CRISPLD2: variants seen among roughly 807,000 people sequenced by gnomAD.
CRISPLD2 encodes cysteine-rich secretory protein LCCL domain-containing 2.
CRISPLD2 carries 47 observed loss-of-function variants against 71.1 expected under a neutral mutation model. That is an observed-to-expected ratio of 0.66 (90% CI 0.52 to 0.84). The LOEUF (loss-of-function observed/expected upper bound fraction) is 0.84, where lower values mean the gene tolerates loss of function less well. Ranked by LOEUF, CRISPLD2 falls within the 40% of genes least tolerant of loss-of-function variation. The probability of loss-of-function intolerance (pLI) is 0.00; values close to 1 mark genes in which losing one functional copy is unlikely to be tolerated. For missense variants in CRISPLD2, 830 were observed against 651.1 expected, an observed-to-expected ratio of 1.27 and a Z score of -2.99; for synonymous variants, 317 against 250.1, an observed-to-expected ratio of 1.27 and a Z score of -2.52.
chr16:84,854,591 G>A (rs1030509575), intron 5 of CRISPLD2, 138 bp from the exon 6 acceptor site: 71 of 675,294 alleles, frequency 1.1e-4, no homozygotes, highest in African/African-American at 1.8e-4. Flanking sequence ...CATCTTTCCC[G>A]CTTCCCACAG....
In CRISPLD2 at chr16:84,898,115, A is replaced by G. The variant is rs115986720; in HGVS notation, c.1440-8473A>G. 7.0e-3 allele frequency among the ~76,000 whole-genome samples: 1,071 copies of G among 152,264 alleles called. 12 individuals carry two copies. The highest frequency in any genetic ancestry group is 0.024 in the African/African-American group (992 of 41,556). On this transcript the variant is annotated intron_variant, in intron 14 of 14. Coordinates refer to ENST00000262424, the MANE Select transcript of CRISPLD2 (RefSeq NM_031476.4). ...GTTTCCTTTTTTCTTTCACTGTAAT[A>G]AACAACACTAGAAAGAACATTTTTG...
At position 84,869,020 on chromosome 16, in the gene CRISPLD2, T is replaced by A. The variant is rs1248653580; in HGVS notation, c.914+109T>A. 6 of 947,890 alleles carry A rather than the reference T, an allele frequency of 6.3e-6. No individual in the cohort carries two copies. The East Asian group carries it at 1.4e-4, about 22-fold the overall frequency. 58.7% of individuals were successfully genotyped at this position (947,890 alleles called of 1,614,324 possible). On this transcript the variant is annotated intron_variant, in intron 8 of 14. Transcript: ENST00000262424. ...CTGGGCTGTCCTGCTGTTGCATATT[T>A]AGCAAGCTGCTCTCAGCAGGCAGAA...
At position 84,889,283 on chromosome 16, in the gene CRISPLD2, T is replaced by TG; in HGVS notation, c.1364dup (p.Asp456Ter). 1 of 1,613,680 alleles carries TG rather than the reference T, an allele frequency of 6.2e-7. No individual in the cohort carries two copies. On this transcript the variant is annotated frameshift_variant, in exon 14 of 15. Coordinates refer to ENST00000262424, the MANE Select transcript of CRISPLD2 (RefSeq NM_031476.4). LOFTEE classifies it high-confidence loss of function. Reference sequence around the variant, plus strand: ...ACGCGGGAGTCATCAGCAACGAGAGTGGGGGTGACGTGGACGTGATGCCCG... The same window carrying TG: ...ACGCGGGAGTCATCAGCAACGAGAGTGGGGGGTGACGTGGACGTGATGCCCG...
chr16:84,906,149 A>G (rs770762539), intron 14 of CRISPLD2, among the ~76,000 whole-genome samples: 2 of 152,094 alleles, frequency 1.3e-5, no homozygotes, highest in Non-Finnish European at 2.9e-5. Context: ...TGAACGAGCG[A>G]TAACAGCTCC....
intron 2 of CRISPLD2, among the ~76,000 whole-genome samples, chr16:84,841,138 G>C (rs544626393): frequency 6.6e-6 from 1 of 152,172 alleles, no homozygotes; most frequent in Non-Finnish European, 1.5e-5. Context: ...GAAGAAATAC[G>C]GGGAGCTGCA....
At chr16:84,877,601 G>C in intron 12 of CRISPLD2, 91 bp downstream of exon 12, 2 of 1,253,702 alleles carry the variant, frequency 1.6e-6, no homozygotes, top group Non-Finnish European at 2.3e-6. Flanking sequence ...TGTAATCCCA[G>C]CACTTTGGGA....
chr16:84,857,923 G>C (rs948829565), intron 6 of CRISPLD2, among the ~76,000 whole-genome samples: 1 of 152,132 alleles, frequency 6.6e-6, no homozygotes, highest in Non-Finnish European at 1.5e-5. Flanking sequence ...TGCACGACCC[G>C]CTTTATGGCT....
intron 14 of CRISPLD2, among the ~76,000 whole-genome samples, chr16:84,896,849 G>C (rs1370433298): frequency 2.0e-5 from 3 of 152,172 alleles, no homozygotes; most frequent in African/African-American, 7.2e-5. Context: ...AAAGCCAGAA[G>C]ACTAAGCACT....
chr16:84,902,280 G>C (rs1284298233), intron 14 of CRISPLD2, among the ~76,000 whole-genome samples: 1 of 151,906 alleles, frequency 6.6e-6, no homozygotes, highest in African/African-American at 2.4e-5. Flanking sequence ...GCGAGGGGAG[G>C]TTTTAGAGTC....
chr16:84,821,734 C>G (rs1480245382), intron 1 of CRISPLD2, among the ~76,000 whole-genome samples: 1 of 152,178 alleles, frequency 6.6e-6, no homozygotes, highest in Non-Finnish European at 1.5e-5. Flanking sequence ...TTGATTTTTT[C>G]AGAGTTTCTT....
Position 84,906,581 on chromosome 16 carries a change from T to C in CRISPLD2, c.1440-7T>C, listed in dbSNP as rs770102761. 1 of 1,612,526 alleles carries C rather than the reference T, an allele frequency of 6.2e-7. No homozygotes were observed. Among genetic ancestry groups the C allele is most frequent in the Non-Finnish European group, 8.5e-7 (1 of 1,180,008 alleles). On this transcript the variant is annotated splice_polypyrimidine_tract_variant and splice_region_variant and intron_variant, in intron 14 of 14. Coordinates refer to ENST00000262424, the MANE Select transcript of CRISPLD2 (RefSeq NM_031476.4). ...CAGTAACGGGCCCTCTTTCTTCTTT[T>C]TTTCAGCCTGGGGACTCCTCGGGAT...
At chr16:84,821,590 TTAA>T (rs1916232359) in intron 1 of CRISPLD2, among the ~76,000 whole-genome samples, 1 of 152,170 alleles carries the variant, frequency 6.6e-6, no homozygotes, top group South Asian at 2.1e-4. Context: ...CCTGCTTTCT[TTAA>T]GACACTTCCC....
intron 13 of CRISPLD2, among the ~76,000 whole-genome samples, chr16:84,887,435 G>A (rs896883275): frequency 6.6e-6 from 1 of 152,192 alleles, no homozygotes; most frequent in Non-Finnish European, 1.5e-5. Flanking sequence ...GTCCGTCTTC[G>A]TGCCCTGTAG....
intron 14 of CRISPLD2, among the ~76,000 whole-genome samples, chr16:84,893,900 C>T (rs1249079423): frequency 6.6e-6 from 1 of 152,316 alleles, no homozygotes; most frequent in South Asian, 2.1e-4. Context: ...GGCTGGTAAG[C>T]CCTTGGCGAG....
chr16:84,835,200 C>T (rs1004447644), intron 1 of CRISPLD2, among the ~76,000 whole-genome samples: 1 of 152,152 alleles, frequency 6.6e-6, no homozygotes, highest in Non-Finnish European at 1.5e-5. Flanking sequence ...AAGCAATTCT[C>T]CTGCCTCGGC....
At chr16:84,850,295 T>G (rs1917049389) in intron 4 of CRISPLD2, among the ~76,000 whole-genome samples, 1 of 152,130 alleles carries the variant, frequency 6.6e-6, no homozygotes, top group South Asian at 2.1e-4. Context: ...TTCACCATGT[T>G]GGTCAGGCTG....
intron 3 of CRISPLD2, among the ~76,000 whole-genome samples, chr16:84,847,365 T>G (rs1916941781): frequency 6.6e-6 from 1 of 152,050 alleles, no homozygotes; most frequent in Non-Finnish European, 1.5e-5. Context: ...AAAAACTATC[T>G]TACAGGCTGG....
rs1201471746 is a variant in CRISPLD2, at chr16:84,877,513, A to T, written c.1229+3A>T. 6.2e-7 allele frequency: 1 copy of T among 1,613,680 alleles called. No individual in the cohort carries two copies. The highest frequency in any genetic ancestry group is 1.1e-5 in the South Asian group (1 of 91,076). ...AAGCCAGCAACTCACTGCCCAAGGT[A>T]AGGCGGGCCTGATCTGTCATCTTTT... On this transcript the variant is annotated splice_donor_region_variant and intron_variant, in intron 12 of 14. Coordinates refer to ENST00000262424, the MANE Select transcript of CRISPLD2 (RefSeq NM_031476.4).
Position 84,907,609 on chromosome 16 carries a change from G to T in CRISPLD2, c.*967G>T, listed in dbSNP as rs556085729. On this transcript the variant is annotated 3_prime_UTR_variant, in exon 15 of 15. Transcript: ENST00000262424. The stretch of plus-strand genomic sequence containing the variant: ...GAGATGTCTGAGAACAACCAAAGAA[G>T]GCCTGCTCTTTGCTGCTTTTAAAAA... 2 of 152,316 alleles carry T rather than the reference G, an allele frequency of 1.3e-5. No homozygotes were observed. Among genetic ancestry groups the T allele is most frequent in the Admixed American group, 1.3e-4 (2 of 15,298 alleles). 9.4% of individuals were successfully genotyped at this position (152,316 alleles called of 1,614,324 possible).
Sources: allele counts gnomAD v4.1 joint callset (sites outside exome capture counted in the v4.1 genomes callset), GRCh38; gene constraint gnomAD v4.1.1; transcripts MANE v1.5; gene names NCBI Gene and HGNC (gene_info 2026-07-23, HGNC 2026-07-21).